The following CHCHD3 variants were observed in gnomAD, a reference collection of about 807,000 sequenced individuals.
The protein encoded by CHCHD3 is coiled-coil-helix-coiled-coil-helix domain containing 3, also known as MICOS complex subunit MIC19.
In CHCHD3, 20 loss-of-function variants were observed where a neutral mutation model predicts 38.2. The ratio of observed to expected loss-of-function variants is 0.52; its 90% CI spans 0.37 to 0.76. The LOEUF (loss-of-function observed/expected upper bound fraction) is 0.76, where lower values mean the gene tolerates loss of function less well. Among genes scored for constraint, CHCHD3 ranks in the 30% least tolerant of loss-of-function variants. CHCHD3 has a pLI of 0.00. For missense variants in CHCHD3, 245 were observed against 279.2 expected (o/e 0.88, Z 0.87); for synonymous variants, 82 against 100.0 (o/e 0.82, Z 1.07).
chr7:132,832,926 G>A (rs1487144085), intron 6 of CHCHD3, among the ~76,000 whole-genome samples: 1 of 152,120 alleles, frequency 6.6e-6, no homozygotes, highest in African/African-American at 2.4e-5. Context: ...CTCCATAAGG[G>A]TAAGAACTCC....
chr7:132,842,449 GA>G (rs1199173104), intron 5 of CHCHD3, among the ~76,000 whole-genome samples: 1 of 152,154 alleles, frequency 6.6e-6, no homozygotes, highest in East Asian at 1.9e-4. Flanking sequence ...CAAAGGTAAT[GA>G]TTTAACAATG....
At chr7:132,821,747 CTTTT>C (rs71178063) in intron 6 of CHCHD3, among the ~76,000 whole-genome samples, 3 of 100,286 alleles carry the variant, frequency 3.0e-5, no homozygotes, top group African/African-American at 1.3e-4. Context: ...GCACTCAAAT[CTTTT>C]TTTTTTTTTT....
intron 6 of CHCHD3, among the ~76,000 whole-genome samples, chr7:132,831,053 G>A (rs1470641899): frequency 6.6e-6 from 1 of 152,128 alleles, no homozygotes; most frequent in Non-Finnish European, 1.5e-5. Flanking sequence ...TAATTAGTTA[G>A]TAAAAGCCCA....
intron 6 of CHCHD3, among the ~76,000 whole-genome samples, chr7:132,804,952 C>T (rs972684520): frequency 2.6e-5 from 4 of 152,052 alleles, no homozygotes; most frequent in Non-Finnish European, 4.4e-5. Flanking sequence ...CCATCCCTAT[C>T]GGTTACTTGA....
intron 3 of CHCHD3, among the ~76,000 whole-genome samples, chr7:133,022,871 C>T (rs1207804493): frequency 6.9e-6 from 1 of 144,350 alleles, no homozygotes; most frequent in African/African-American, 2.5e-5. Flanking sequence ...AAAAAAAACC[C>T]ACAGTGAGTT....
At chr7:132,884,672 G>C (rs1415515385) in intron 5 of CHCHD3, among the ~76,000 whole-genome samples, 1 of 152,138 alleles carries the variant, frequency 6.6e-6, no homozygotes, top group Non-Finnish European at 1.5e-5. Context: ...ATTCAAAAGA[G>C]AGAGAGCTTA....
At chr7:132,939,847 C>T (rs970122362) in intron 4 of CHCHD3, among the ~76,000 whole-genome samples, 10 of 152,194 alleles carry the variant, frequency 6.6e-5, no homozygotes, top group African/African-American at 2.4e-4. Flanking sequence ...ATCACAATTT[C>T]TTCTGTGATT....
intron 3 of CHCHD3, among the ~76,000 whole-genome samples, chr7:132,988,293 A>C (rs886429079): frequency 2.3e-5 from 3 of 131,900 alleles, no homozygotes; most frequent in South Asian, 4.8e-4. Context: ...ATACACACAC[A>C]CACACACCCA....
intron 5 of CHCHD3, among the ~76,000 whole-genome samples, chr7:132,840,043 A>G (rs2117098146): frequency 6.6e-6 from 1 of 152,350 alleles, no homozygotes; most frequent in East Asian, 1.9e-4. Flanking sequence ...TAAAATTGCA[A>G]TTTGAGTGAT....
chr7:133,070,485 T>A (rs1030769776), intron 1 of CHCHD3, among the ~76,000 whole-genome samples: 1 of 152,248 alleles, frequency 6.6e-6, no homozygotes, highest in Non-Finnish European at 1.5e-5. Context: ...CTCTTCATTT[T>A]ATACTATGCA....
At chr7:132,786,041 G>T (rs1056055896) in intron 7 of CHCHD3, among the ~76,000 whole-genome samples, 2 of 152,182 alleles carry the variant, frequency 1.3e-5, no homozygotes, top group Non-Finnish European at 2.9e-5. Context: ...AGCTGGGCAT[G>T]GTGGTGTGTG....
chr7:132,787,829 T>A (rs1485329689), intron 7 of CHCHD3, among the ~76,000 whole-genome samples: 3 of 152,084 alleles, frequency 2.0e-5, no homozygotes, highest in African/African-American at 4.8e-5. Flanking sequence ...AACTTAGACA[T>A]AACACACACA....
At chr7:133,021,862 G>A (rs1284923270) in intron 3 of CHCHD3, among the ~76,000 whole-genome samples, 1 of 152,142 alleles carries the variant, frequency 6.6e-6, no homozygotes, top group Non-Finnish European at 1.5e-5. Context: ...TAAGGCAGGT[G>A]GATCACAAGG....
At chr7:132,917,017 G>T (rs1331077240) in intron 4 of CHCHD3, among the ~76,000 whole-genome samples, 1 of 152,120 alleles carries the variant, frequency 6.6e-6, no homozygotes, top group African/African-American at 2.4e-5. Flanking sequence ...AGTGGGTAAG[G>T]GAAGATTACT....
At chr7:132,896,536 C>T (rs190909829) in intron 4 of CHCHD3, among the ~76,000 whole-genome samples, 122 of 152,240 alleles carry the variant, frequency 8.0e-4, no homozygotes, top group African/African-American at 2.7e-3. Flanking sequence ...TGCTCTCCGC[C>T]CAACATCCAT....
chr7:133,051,788 C>A (rs1183805948), intron 2 of CHCHD3, among the ~76,000 whole-genome samples: 2 of 152,096 alleles, frequency 1.3e-5, no homozygotes, highest in Non-Finnish European at 2.9e-5. Context: ...AGCTATATAA[C>A]TATAGCTGCA....
At chr7:132,928,060 A>G (rs1366665154) in intron 4 of CHCHD3, among the ~76,000 whole-genome samples, 1 of 152,110 alleles carries the variant, frequency 6.6e-6, no homozygotes, top group African/African-American at 2.4e-5. Flanking sequence ...ACCCCAGCTA[A>G]AGAGTAGGCT....
At chr7:132,816,464 T>G (rs1807202219) in intron 6 of CHCHD3, among the ~76,000 whole-genome samples, 1 of 152,224 alleles carries the variant, frequency 6.6e-6, no homozygotes, top group South Asian at 2.1e-4. Flanking sequence ...TTTATGAGCA[T>G]TTTAGGAGTA....
At chr7:132,860,415 C>G (rs1226432146) in intron 5 of CHCHD3, among the ~76,000 whole-genome samples, 1 of 152,064 alleles carries the variant, frequency 6.6e-6, no homozygotes, top group East Asian at 1.9e-4. Flanking sequence ...GTAACTGGTT[C>G]TATCTTTCAC....
Sources: gnomAD v4.1 joint callset for allele counts (sites outside exome capture counted in the v4.1 genomes callset) on GRCh38, gnomAD v4.1.1 for gene constraint, MANE v1.5 for transcripts, NCBI Gene and HGNC (gene_info 2026-07-23, HGNC 2026-07-21) for gene names.